SLC25A41: variants seen among roughly 807,000 people sequenced by gnomAD.
SLC25A41 encodes mitochondrial carrier protein SCaMC-3L.
A neutral mutation model predicts 34.7 loss-of-function variants in SLC25A41; 35 were observed. The observed-to-expected ratio is 1.01, with a 90% CI of 0.77 to 1.34. The LOEUF is 1.34. Among genes scored for constraint, SLC25A41 ranks in the 40% most tolerant of loss-of-function variants. SLC25A41 has a pLI of 0.00. For missense variants in SLC25A41, 492 were observed against 489.8 expected (o/e 1.00, Z -0.04); for synonymous variants, 190 against 209.9 (o/e 0.91, Z 0.82).
At chr19:6,436,247 T>A (rs895240751), upstream of SLC25A41, 94 of 325,712 alleles carry the variant, frequency 2.9e-4, 1 homozygote, top group South Asian at 2.2e-3. Flanking sequence ...GTGTTTGAAG[T>A]ATAAGAGTCT....
intron 3 of SLC25A41, 27 bp from the exon 4 acceptor site, chr19:6,429,858 G>T: frequency 6.2e-7 from 1 of 1,606,818 alleles, no homozygotes; most frequent in South Asian, 1.1e-5. Flanking sequence ...GAGGGTGAGA[G>T]AGAAGTCAGC....
chr19:6,434,627 G>A (rs543459314), upstream of SLC25A41, among the ~76,000 whole-genome samples: 5 of 152,318 alleles, frequency 3.3e-5, no homozygotes, highest in African/African-American at 1.2e-4. Flanking sequence ...AAGGTTGCTA[G>A]GCCTGATGTG....
At position 6,426,533 on chromosome 19, in the gene SLC25A41, C is replaced by T. The variant is rs2092242194; in HGVS notation, c.969G>A (p.Met323Ile). 5.6e-6 allele frequency: 9 copies of T among 1,613,250 alleles called. No individual in the cohort carries two copies. The highest frequency in any genetic ancestry group is 7.6e-6 in the Non-Finnish European group (9 of 1,179,784). Residue 323 changes from methionine (M) to isoleucine (I), a missense_variant, in exon 7 of 7, where the codon ATG becomes ATA. Met to Ile is a conservative substitution (Grantham distance 10, BLOSUM62 1). Coordinates refer to ENST00000321510, the MANE Select transcript of SLC25A41 (RefSeq NM_173637.4). ...QDTVEGSNPTMRGVLQRILAQ... is the reference protein window; with the variant it reads ...QDTVEGSNPTIRGVLQRILAQ... ...CCAGGATCCGCTGGAGGACTCCGCGCATGGTGGGATTTGAGCCCTCCACGG... is the reference window on the plus strand; with the variant it reads ...CCAGGATCCGCTGGAGGACTCCGCGTATGGTGGGATTTGAGCCCTCCACGG...
At position 6,427,477 on chromosome 19, in the gene SLC25A41, G is replaced by T. The variant is rs367670138; in HGVS notation, c.649C>A (p.Arg217Ser). Residue 217 changes from arginine (R) to serine (S), a missense_variant, in exon 5 of 7, where the codon CGT (arginine) becomes AGT (serine). Physicochemically the swap from Arg to Ser is moderately radical, Grantham distance 110. Transcript: ENST00000321510. The surrounding 1 kb of genome is among the most constrained non-coding windows in gnomAD (Gnocchi z 4.9). Reference protein sequence around the residue: ...MEVLKTRLTLRRTGQYKGLLD... With the variant: ...MEVLKTRLTLSRTGQYKGLLD... ...AGCCCCTTGTACTGGCCCGTCCGAC[G>T]CAAGGTCAACCGCGTCTTCAGCACC... 4 of 1,561,490 alleles carry T rather than the reference G, an allele frequency of 2.6e-6. No homozygotes were observed. Among genetic ancestry groups the T allele is most frequent in the South Asian group, 2.3e-5 (2 of 85,634 alleles).
chr19:6,427,270 G>A lies in SLC25A41; in HGVS notation c.793-20C>T. The A allele has an allele frequency of 1.9e-6, 3 of 1,611,688 alleles. No homozygotes were observed. Among genetic ancestry groups the A allele is most frequent in the South Asian group, 2.2e-5 (2 of 91,038 alleles). ...GAGCATCTGCAAGAGAAGGGGGCCAGGAGAAAGCTCACTAGGAGCCTGGGC... is the reference window on the plus strand; with the variant it reads ...GAGCATCTGCAAGAGAAGGGGGCCAAGAGAAAGCTCACTAGGAGCCTGGGC... On this transcript the variant is annotated intron_variant, in intron 5 of 6. Transcript: ENST00000321510. The surrounding 1 kb of genome is among the most constrained non-coding windows in gnomAD (Gnocchi z 4.9).
At chr19:6,426,994 G>A in intron 6 of SLC25A41, 109 bp downstream of exon 6, 1 of 1,244,764 alleles carries the variant, frequency 8.0e-7, no homozygotes. Context: ...AAGTGGGCTG[G>A]GATCAGACAC....
In SLC25A41 at chr19:6,432,035, C is replaced by A. The variant is rs1316323347; in HGVS notation, c.363+14G>T. 2 of 1,605,126 alleles carry A rather than the reference C, an allele frequency of 1.2e-6. No homozygotes were observed. The highest frequency in any genetic ancestry group is 1.7e-6 in the Non-Finnish European group (2 of 1,175,136). ...CCAGCGCTGGGTCCCGTCCTCCCCCCAACCCACACAAACCTGCATGTACAC... is the reference window on the plus strand; with the variant it reads ...CCAGCGCTGGGTCCCGTCCTCCCCCAAACCCACACAAACCTGCATGTACAC... On this transcript the variant is annotated intron_variant, in intron 2 of 6. Transcript: ENST00000321510.
At chr19:6,429,424 G>GGGAGAAAAGAA (rs2092271896) in intron 4 of SLC25A41, among the ~76,000 whole-genome samples, 1 of 8,168 alleles carries the variant, frequency 1.2e-4, no homozygotes. Context: ...GGAGGAGAAG[G>GGGAGAAAAGAA]GAGAAAGGAG....
At chr19:6,426,976 G>A (rs2092244814) in intron 6 of SLC25A41, 127 bp downstream of exon 6, 28 of 1,083,578 alleles carry the variant, frequency 2.6e-5, no homozygotes, top group Non-Finnish European at 3.2e-5. Flanking sequence ...AGTCTCAAAA[G>A]TTATCAAAAG....
At chr19:6,432,323 T>C (rs1297393643) in intron 1 of SLC25A41, 119 bp from the exon 2 acceptor site, 21 of 1,171,366 alleles carry the variant, frequency 1.8e-5, no homozygotes, top group Non-Finnish European at 2.3e-6. Flanking sequence ...TCTGCATTTT[T>C]TTTTTTCGAG....
chr19:6,429,519 GAAGGAGAA>G (rs2092274207), intron 4 of SLC25A41, among the ~76,000 whole-genome samples, 197 bp downstream of exon 4: 1 of 83,002 alleles, frequency 1.2e-5, no homozygotes, highest in Non-Finnish European at 2.6e-5. Flanking sequence ...AGGAGAGGAG[GAAGGAGAA>G]AGGAGGAGGA....
Position 6,427,128 on chromosome 19 carries a change from CAG to C in SLC25A41, c.913_914del (p.Leu305GlyfsTer75), listed in dbSNP as rs769182361. On this transcript the variant is annotated frameshift_variant, in exon 6 of 7. Coordinates refer to ENST00000321510, the MANE Select transcript of SLC25A41 (RefSeq NM_173637.4). LOFTEE classifies it low-confidence loss of function (END_TRUNC). This position sits in a 1 kb window ranked among gnomAD's most constrained non-coding sequence, Gnocchi z 4.9. ...CTTGGGCCTGCATCCTGGTGCGCAC[CAG>C]AGTCAGTGGGTAGCTGGCCATCTGG... ...CGQMASYPLTLVRTRMQAQDT... is the reference protein window; with the variant it reads ...CGQMASYPLTXVRTRMQAQDT... 1.2e-6 allele frequency: 2 copies of C among 1,607,540 alleles called. No individual in the cohort carries two copies. The highest frequency in any genetic ancestry group is 2.2e-5 in the South Asian group (2 of 90,126).
chr19:6,429,084 T>TTA (rs1167570139), intron 4 of SLC25A41, among the ~76,000 whole-genome samples: 4 of 47,070 alleles, frequency 8.5e-5, no homozygotes, highest in Non-Finnish European at 1.3e-4. Context: ...AATATATATA[T>TTA]TATATATATG....
intron 4 of SLC25A41, 40 bp downstream of exon 4, chr19:6,429,684 C>T: frequency 6.8e-7 from 1 of 1,472,302 alleles, no homozygotes; most frequent in Non-Finnish European, 9.2e-7. Context: ...TAACTAGTTT[C>T]CACGGCGTTT....
At chr19:6,432,519 A>G (rs1326901288) in intron 1 of SLC25A41, among the ~76,000 whole-genome samples, 1 of 118,046 alleles carries the variant, frequency 8.5e-6, no homozygotes, top group Non-Finnish European at 1.7e-5. Context: ...GATGGGTTTC[A>G]CTATGTTGGC....
At chr19:6,429,615 AAGG>A in intron 4 of SLC25A41, 106 bp downstream of exon 4, 1 of 639,380 alleles carries the variant, frequency 1.6e-6, no homozygotes, top group South Asian at 2.2e-5. Flanking sequence ...TGTGAGAAAA[AAGG>A]AGGAGAAAGG....
Position 6,430,148 on chromosome 19 carries a change from T to C in SLC25A41, c.377A>G (p.Lys126Arg), listed in dbSNP as rs776940341. ...CCCCAGCAGGTTGGTGAAGTTCGTC[T>C]TGGAGGAGTAGACCTGGGTGGAGGG... ...AKVYMQVYSS[K>R]TNFTNLLGGL... is the part of the protein sequence containing the mutation. The change falls in exon 3 of 7, where the codon AAG (lysine) becomes AGG (arginine). Residue 126 changes from lysine to arginine, a missense_variant. Lys to Arg is a conservative substitution (Grantham distance 26, BLOSUM62 2). Coordinates refer to ENST00000321510, the MANE Select transcript of SLC25A41 (RefSeq NM_173637.4). 1 of 1,612,442 alleles carries C rather than the reference T, an allele frequency of 6.2e-7. No individual in the cohort carries two copies. Among genetic ancestry groups the C allele is most frequent in the Non-Finnish European group, 8.5e-7 (1 of 1,179,200 alleles).
chr19:6,433,642 G>C lies in SLC25A41; in HGVS notation c.52C>G (p.Leu18Val). The change falls in exon 1 of 7, where the codon CTG becomes GTG. Residue 18 changes from leucine (L) to valine (V), a missense_variant. Transcript: ENST00000321510. The part of the protein sequence containing the change: ...PQNTCSRIQT[L>V]FRRVKTLLIK... ...AGTAAGGTCTTGACCCTCCTAAACA[G>C]TGTCTGGATCCTAGAGCAAGTGTTC... is the stretch of plus-strand genomic sequence containing the variant. 6.2e-7 allele frequency: 1 copy of C among 1,604,256 alleles called. No homozygotes were observed. The highest frequency in any genetic ancestry group is 1.1e-5 in the South Asian group (1 of 90,016).
intron 2 of SLC25A41, chr19:6,430,527 G>T: frequency 5.4e-6 from 2 of 372,014 alleles, no homozygotes; most frequent in Admixed American, 3.7e-5. Context: ...TCACTCTGTC[G>T]CCCAGGCTGG....
Sources: gnomAD v4.1 joint callset for allele counts (sites outside exome capture counted in the v4.1 genomes callset) on GRCh38, gnomAD v4.1.1 for gene constraint, Gnocchi (gnomAD v3.1) non-coding constraint, MANE v1.5 for transcripts, NCBI Gene and HGNC (gene_info 2026-07-23, HGNC 2026-07-21) for gene names.